The following USP32 variants were observed in gnomAD, a reference collection of about 807,000 sequenced individuals.
USP32 encodes the protein ubiquitin carboxyl-terminal hydrolase 32.
Under a neutral mutation model 204.8 loss-of-function variants are expected in USP32, and 59 were observed. The ratio of observed to expected loss-of-function variants is 0.29; its 90% CI spans 0.23 to 0.36. The LOEUF is 0.36. Among genes scored for constraint, USP32 ranks in the 10% least tolerant of loss-of-function variants. USP32 has a pLI of 1.00. For missense variants in USP32, 1,160 were observed against 1,946.4 expected (o/e 0.60, Z 7.60); for synonymous variants, 517 against 678.4 (o/e 0.76, Z 3.70).
chr17:60,316,921 T>TG (rs1218706871), intron 2 of USP32, among the ~76,000 whole-genome samples: 2 of 152,102 alleles, frequency 1.3e-5, no homozygotes, highest in African/African-American at 4.8e-5. Context: ...TTATGCTAAG[T>TG]GAAATAAGCC....
chr17:60,406,156 C>CAAAA (rs35763642), intron 1 of USP32, among the ~76,000 whole-genome samples: 5 of 45,194 alleles, frequency 1.1e-4, no homozygotes, highest in South Asian at 8.6e-4. Flanking sequence ...GACCTTGTCT[C>CAAAA]AAAAAAAAAA....
At chr17:60,333,491 T>C (rs1321615281) in intron 2 of USP32, among the ~76,000 whole-genome samples, 1 of 152,106 alleles carries the variant, frequency 6.6e-6, no homozygotes, top group African/African-American at 2.4e-5. Context: ...TCCCAGCTAC[T>C]TGGGACACTA....
chr17:60,369,872 G>C (rs1477586226), intron 1 of USP32, among the ~76,000 whole-genome samples: 1 of 151,872 alleles, frequency 6.6e-6, no homozygotes, highest in Non-Finnish European at 1.5e-5. Context: ...CAAGCAGCTA[G>C]GACTACATGC....
At chr17:60,227,293 G>A (rs1470618996) in intron 12 of USP32, among the ~76,000 whole-genome samples, 6 of 142,136 alleles carry the variant, frequency 4.2e-5, no homozygotes, top group East Asian at 4.1e-4. Context: ...TTTTTGAGAC[G>A]GAGTCTTACT....
intron 18 of USP32, 99 bp from the exon 19 acceptor site, chr17:60,212,197 A>G: frequency 9.5e-7 from 1 of 1,051,930 alleles, no homozygotes; most frequent in Non-Finnish European, 1.4e-6. Context: ...CTAAATCAGA[A>G]GTTTTAAAAT....
At chr17:60,312,209 C>T (rs761551747) in intron 2 of USP32, among the ~76,000 whole-genome samples, 5 of 152,112 alleles carry the variant, frequency 3.3e-5, no homozygotes, top group Admixed American at 6.6e-5. Flanking sequence ...GGACAGAAGG[C>T]GGAAACCAGA....
intron 11 of USP32, 23 bp from the exon 12 acceptor site, chr17:60,236,263 A>G: frequency 1.3e-6 from 2 of 1,593,422 alleles, no homozygotes; most frequent in Non-Finnish European, 1.7e-6. Context: ...AAGAAATTAA[A>G]TACATCAAAC....
chr17:60,252,333 T>C, intron 11 of USP32, 48 bp downstream of exon 11: 1 of 1,421,614 alleles, frequency 7.0e-7, no homozygotes. Flanking sequence ...AACCAATATA[T>C]TTCAAGTATG....
At chr17:60,215,614 C>A (rs1192366417) in intron 16 of USP32, among the ~76,000 whole-genome samples, 1 of 152,034 alleles carries the variant, frequency 6.6e-6, no homozygotes, top group Non-Finnish European at 1.5e-5. Flanking sequence ...CACTTTCAGT[C>A]ATTAAGTAGC....
At chr17:60,278,550 T>C (rs945449976) in intron 5 of USP32, among the ~76,000 whole-genome samples, 3 of 152,004 alleles carry the variant, frequency 2.0e-5, no homozygotes, top group Non-Finnish European at 2.9e-5. Flanking sequence ...GTAAGACAGA[T>C]AGTAATAGGA....
chr17:60,195,948 C>T (rs891666855), intron 27 of USP32, among the ~76,000 whole-genome samples: 9 of 152,186 alleles, frequency 5.9e-5, no homozygotes, highest in Non-Finnish European at 5.9e-5. Context: ...TTAAATGGTA[C>T]CACCATTCAC....
intron 1 of USP32, among the ~76,000 whole-genome samples, chr17:60,358,043 A>G (rs2089126703): frequency 6.6e-6 from 1 of 152,146 alleles, no homozygotes; most frequent in Non-Finnish European, 1.5e-5. Context: ...TGCTGAGATT[A>G]CAGGTGTGAG....
At chr17:60,340,325 T>A (rs1011899028) in intron 2 of USP32, among the ~76,000 whole-genome samples, 2 of 145,434 alleles carry the variant, frequency 1.4e-5, no homozygotes, top group African/African-American at 5.7e-5. Context: ...CCTGTAATCC[T>A]GACACTTTGG....
rs1431912349 is a variant in USP32 at position 60,288,461 on chromosome 17, T to C, written c.571+62A>G. ...TCTCCTTTATAAGCATATTCTCATA[T>C]TACCAGCCAATTATATATATAAAAA... is the stretch of plus-strand genomic sequence containing the variant. On this transcript the variant is annotated intron_variant, in intron 5 of 33. Transcript: ENST00000300896. 9 of 1,518,302 alleles carry C rather than the reference T, an allele frequency of 5.9e-6. No individual in the cohort carries two copies. The East Asian group carries it at 1.8e-4, about 31-fold the overall frequency. The allele number at this position is 1,518,302 out of a possible 1,614,324, so 94.1% of individuals were successfully genotyped here. A position where few individuals can be genotyped will look rare whatever the true frequency, so the allele number is the denominator to read the frequency against.
chr17:60,341,187 T>C lies in USP32; in HGVS notation c.186+4294A>G, dbSNP rs190774364. Among the ~76,000 whole-genome samples, 136 of 152,290 alleles carry C rather than the reference T, an allele frequency of 8.9e-4. 1 individual carries two copies. The highest frequency in any genetic ancestry group is 8.8e-3 in the Admixed American group (134 of 15,290). On this transcript the variant is annotated intron_variant, in intron 2 of 33. Coordinates refer to ENST00000300896, the MANE Select transcript of USP32 (RefSeq NM_032582.4). ...CTTGAGGAGTATCTTTGTGGTGTTC[T>C]CTGTTCCTGAATTTGAATGTTGGCC...
At chr17:60,349,448 T>A (rs1232365388) in intron 1 of USP32, among the ~76,000 whole-genome samples, 2 of 148,460 alleles carry the variant, frequency 1.3e-5, no homozygotes, top group African/African-American at 4.9e-5. Context: ...GCCGTGGCGG[T>A]GGGTGCCTGT....
At chr17:60,314,568 G>T (rs1037000781) in intron 2 of USP32, among the ~76,000 whole-genome samples, 3 of 151,766 alleles carry the variant, frequency 2.0e-5, no homozygotes, top group African/African-American at 7.3e-5. Flanking sequence ...GGGGTGGGGG[G>T]AGGAAAGGAG....
At chr17:60,322,544 G>C (rs1236528456) in intron 2 of USP32, among the ~76,000 whole-genome samples, 2 of 152,012 alleles carry the variant, frequency 1.3e-5, no homozygotes, top group Non-Finnish European at 2.9e-5. Flanking sequence ...GAAAAGTTCT[G>C]ATGTTTGTTC....
intron 11 of USP32, among the ~76,000 whole-genome samples, chr17:60,237,853 T>G (rs2085773473): frequency 6.6e-6 from 1 of 152,250 alleles, no homozygotes; most frequent in Non-Finnish European, 1.5e-5. Context: ...ATAGACTGTT[T>G]CTACCTTTTG....
Sources: gnomAD v4.1 joint callset for allele counts (sites outside exome capture counted in the v4.1 genomes callset) on GRCh38, gnomAD v4.1.1 for gene constraint, MANE v1.5 for transcripts, NCBI Gene and HGNC (gene_info 2026-07-23, HGNC 2026-07-21) for gene names.